ENPP2: variants seen among roughly 807,000 people sequenced by gnomAD.
ENPP2 encodes autotaxin.
In ENPP2, 51 loss-of-function variants were observed where a neutral mutation model predicts 120.2. The observed-to-expected ratio is 0.42, with a 90% CI of 0.34 to 0.54. The LOEUF (loss-of-function observed/expected upper bound fraction) is 0.54, where lower values mean the gene tolerates loss of function less well. Ranked by LOEUF, ENPP2 falls within the 20% of genes least tolerant of loss-of-function variation. The probability of loss-of-function intolerance (pLI) is 0.04; values close to 1 mark genes in which losing one functional copy is unlikely to be tolerated. For missense variants in ENPP2, 920 were observed against 1,066.5 expected (o/e 0.86, Z 1.91); for synonymous variants, 365 against 366.4 (o/e 1.00, Z 0.04).
At chr8:119,631,006 T>C (rs1816627470) in intron 2 of ENPP2, among the ~76,000 whole-genome samples, 1 of 151,062 alleles carries the variant, frequency 6.6e-6, no homozygotes, top group Non-Finnish European at 1.5e-5. Context: ...GTGATTCTCC[T>C]GCCTCAGCCT....
chr8:119,673,037 C>T (rs1209598776), intron 1 of ENPP2, among the ~76,000 whole-genome samples: 2 of 152,208 alleles, frequency 1.3e-5, no homozygotes, highest in African/African-American at 2.4e-5. Context: ...TATTTACAAA[C>T]TCATTCTCTG....
chr8:119,666,387 C>G (rs954961374), intron 1 of ENPP2, among the ~76,000 whole-genome samples: 4 of 151,900 alleles, frequency 2.6e-5, no homozygotes, highest in African/African-American at 9.7e-5. Flanking sequence ...GTATCTTACT[C>G]CTAGGAGATG....
At chr8:119,618,247 G>T (rs1435593116) in intron 5 of ENPP2, 1 of 489,136 alleles carries the variant, frequency 2.0e-6, no homozygotes, top group African/African-American at 2.0e-5. Context: ...TTGTTCCGGG[G>T]ATGTGCTTCT....
chr8:119,583,355 G>T (rs189105537), intron 17 of ENPP2, among the ~76,000 whole-genome samples: 1 of 152,314 alleles, frequency 6.6e-6, no homozygotes, highest in Admixed American at 6.5e-5. Flanking sequence ...GATGCAAGCT[G>T]GCAACATTTT....
chr8:119,586,965 G>A, intron 14 of ENPP2, 79 bp downstream of exon 14: 2 of 1,212,768 alleles, frequency 1.6e-6, no homozygotes, highest in Admixed American at 3.8e-5. Flanking sequence ...CCCCGCCGGG[G>A]GAGGCACACA....
chr8:119,673,080 A>G (rs1818299733), intron 1 of ENPP2, among the ~76,000 whole-genome samples: 1 of 152,182 alleles, frequency 6.6e-6, no homozygotes. Context: ...TGAGCTCCGC[A>G]TTTGCGCGCC....
At chr8:119,668,783 A>G (rs1299901108) in intron 1 of ENPP2, among the ~76,000 whole-genome samples, 1 of 152,082 alleles carries the variant, frequency 6.6e-6, no homozygotes, top group Non-Finnish European at 1.5e-5. Flanking sequence ...ATCACTATTG[A>G]TTTTATCATC....
intron 1 of ENPP2, among the ~76,000 whole-genome samples, chr8:119,671,520 T>C (rs1267805250): frequency 2.0e-5 from 3 of 152,148 alleles, no homozygotes; most frequent in African/African-American, 2.4e-5. Context: ...GTGATGATTG[T>C]CATGAATGAA....
intron 12 of ENPP2, among the ~76,000 whole-genome samples, chr8:119,592,499 A>G (rs1228927258): frequency 6.8e-6 from 1 of 146,160 alleles, no homozygotes; most frequent in Non-Finnish European, 1.5e-5. Flanking sequence ...AAAAAAAAAG[A>G]AGAAGAAGAA....
chr8:119,648,956 T>G (rs540599485), intron 1 of ENPP2, among the ~76,000 whole-genome samples: 1 of 152,170 alleles, frequency 6.6e-6, no homozygotes, highest in Non-Finnish European at 1.5e-5. Context: ...TCACAGATCT[T>G]GTATATAGAA....
chr8:119,612,501 T>G (rs376448008), intron 8 of ENPP2, among the ~76,000 whole-genome samples: 1 of 152,204 alleles, frequency 6.6e-6, no homozygotes. Context: ...ATTTTTTCAC[T>G]GCAGTCATTC....
In ENPP2 at chr8:119,583,976, C is replaced by G; in HGVS notation, c.1441G>C (p.Val481Leu). ...TGCCATCATACCTGCATGCTGTTGACCTTGTTATCAAATCCGTGGTCTCCC... is the reference window on the plus strand; with the variant it reads ...TGCCATCATACCTGCATGCTGTTGAGCTTGTTATCAAATCCGTGGTCTCCC... Reference protein sequence around the residue: ...FQGDHGFDNKVNSMQTVFVGY... With the variant: ...FQGDHGFDNKLNSMQTVFVGY... The change falls in exon 16 of 25, where the codon GTC (valine) becomes CTC (leucine). Residue 481 changes from valine to leucine, a missense_variant. Coordinates refer to ENST00000075322, the MANE Select transcript of ENPP2 (RefSeq NM_001040092.3). 6.2e-7 allele frequency: 1 copy of G among 1,613,084 alleles called. No individual in the cohort carries two copies. The highest frequency in any genetic ancestry group is 1.3e-5 in the African/African-American group (1 of 75,034).
chr8:119,592,145 T>C (rs1163597721), intron 12 of ENPP2, among the ~76,000 whole-genome samples: 1 of 152,140 alleles, frequency 6.6e-6, no homozygotes, highest in African/African-American at 2.4e-5. Context: ...CAATTTGAAC[T>C]CCACTAAAAT....
At chr8:119,664,854 TC>T (rs1818025466) in intron 1 of ENPP2, among the ~76,000 whole-genome samples, 1 of 152,046 alleles carries the variant, frequency 6.6e-6, no homozygotes, top group South Asian at 2.1e-4. Context: ...GGCAGGAGAA[TC>T]GCTTAAACCT....
chr8:119,559,324 T>C (rs899787726), intron 24 of ENPP2, among the ~76,000 whole-genome samples: 1 of 152,230 alleles, frequency 6.6e-6, no homozygotes, highest in Non-Finnish European at 1.5e-5. Context: ...CAGTGGTCAG[T>C]CAGTCCAATT....
rs540310526 is a variant in ENPP2, at chr8:119,623,491, T to A, written c.293-1972A>T. Among the ~76,000 whole-genome samples the A allele has an allele frequency of 2.6e-5, 4 of 152,116 alleles. No homozygotes were observed. In the South Asian group the frequency reaches 8.3e-4, roughly 32 times the overall value. On this transcript the variant is annotated intron_variant, in intron 3 of 24. Coordinates refer to ENST00000075322, the MANE Select transcript of ENPP2 (RefSeq NM_001040092.3). ...AAAGATTAAAAAAGAGAGAGAGATA[T>A]TAGTTGTTTGGCATAACTGCTACCC...
At chr8:119,612,203 C>T (rs972820400) in intron 8 of ENPP2, among the ~76,000 whole-genome samples, 2 of 152,098 alleles carry the variant, frequency 1.3e-5, no homozygotes, top group African/African-American at 2.4e-5. Context: ...TAAGCAAAGG[C>T]ACCAGGTTAG....
intron 18 of ENPP2, chr8:119,580,436 C>A: frequency 2.1e-6 from 1 of 471,606 alleles, no homozygotes; most frequent in Non-Finnish European, 3.8e-6. Context: ...ACCAATTTCC[C>A]ATGTGGGTAC....
chr8:119,621,309 G>T (rs1815877961), intron 4 of ENPP2, 85 bp downstream of exon 4: 1 of 1,180,160 alleles, frequency 8.5e-7, no homozygotes, highest in Non-Finnish European at 1.3e-6. Context: ...TATCCAGTGT[G>T]GTCTATTCCT....
Sources: allele counts gnomAD v4.1 joint callset (sites outside exome capture counted in the v4.1 genomes callset), GRCh38; gene constraint gnomAD v4.1.1; transcripts MANE v1.5; gene names NCBI Gene and HGNC (gene_info 2026-07-23, HGNC 2026-07-21).